Variants in AFAP1 observed in about 807,000 individuals in gnomAD.
The protein encoded by AFAP1 is actin filament-associated protein 1.
AFAP1 carries 75 observed loss-of-function variants against 93.9 expected under a neutral mutation model. The ratio of observed to expected loss-of-function variants is 0.80; its 90% CI spans 0.66 to 0.97. The LOEUF is 0.97. AFAP1 is among the 50% of genes least tolerant of loss of function. The pLI is 0.00. For missense variants in AFAP1, 1,201 were observed against 1,050.8 expected (o/e 1.14, Z -1.98); for synonymous variants, 517 against 430.7 (o/e 1.20, Z -2.48).
Position 7,762,230 on chromosome 4 carries a change from GA to G in AFAP1, c.*1534del, listed in dbSNP as rs1713912463. 6.6e-6 allele frequency: 1 copy of G among 152,230 alleles called. No homozygotes were observed. Among genetic ancestry groups the G allele is most frequent in the Admixed American group, 6.5e-5 (1 of 15,282 alleles). The allele number at this position is 152,230 out of a possible 1,614,324, so 9.4% of individuals were successfully genotyped here. A position where few individuals can be genotyped will look rare whatever the true frequency, so the allele number is the denominator to read the frequency against. On this transcript the variant is annotated 3_prime_UTR_variant, in exon 18 of 18. Coordinates refer to ENST00000420658, the MANE Select transcript of AFAP1 (RefSeq NM_001134647.2). The stretch of plus-strand genomic sequence containing the variant: ...CCGTGCACCACACAGCTAGCGCTCT[GA>G]AAGTATGTCTGGGGGAAACCCAAGG...
At chr4:7,926,192 C>T (rs1255518182) in intron 1 of AFAP1, among the ~76,000 whole-genome samples, 1 of 152,208 alleles carries the variant, frequency 6.6e-6, no homozygotes, top group East Asian at 1.9e-4. Flanking sequence ...GTACACATGG[C>T]TTCTAATGCT....
rs115582399 is a variant in AFAP1, at chr4:7,881,914, G to A, written c.-2-9834C>T. On this transcript the variant is annotated intron_variant, in intron 1 of 17. Transcript: ENST00000420658. ...CCCCAAATTATCTCATCCTTAAAGC[G>A]AGATGGATATTATATATCTCAGCAT... 7.2e-3 allele frequency among the ~76,000 whole-genome samples: 1,093 copies of A among 152,204 alleles called. 10 individuals carry two copies. The highest frequency in any genetic ancestry group is 0.024 in the African/African-American group (1,014 of 41,500).
At chr4:7,808,431 T>C (rs1047664429) in intron 9 of AFAP1, among the ~76,000 whole-genome samples, 1 of 152,172 alleles carries the variant, frequency 6.6e-6, no homozygotes, top group Non-Finnish European at 1.5e-5. Flanking sequence ...TAACTGGGCT[T>C]GTACTTATCT....
At chr4:7,897,090 G>A (rs571483055) in intron 1 of AFAP1, among the ~76,000 whole-genome samples, 5 of 152,168 alleles carry the variant, frequency 3.3e-5, no homozygotes, top group African/African-American at 1.2e-4. Context: ...CCAATCCCAT[G>A]ATGTTTATCT....
intron 1 of AFAP1, among the ~76,000 whole-genome samples, chr4:7,906,587 T>G (rs1719416646): frequency 6.6e-6 from 1 of 152,210 alleles, no homozygotes; most frequent in African/African-American, 2.4e-5. Context: ...CTCATTAAGT[T>G]CTCCAAGACA....
rs150190637 is a variant in AFAP1, at chr4:7,838,559, C to G, written c.691G>C (p.Val231Leu). 3.1e-6 allele frequency: 5 copies of G among 1,614,048 alleles called. No individual in the cohort carries two copies. The highest frequency in any genetic ancestry group is 4.2e-6 in the Non-Finnish European group (5 of 1,179,982). ...TGCTCGGCCTGTTCCTTGCTCTGGA[C>G]GGCGAGAACAAGCGGGTCCGTGCCC... ...QQGTDPLVLA[V>L]QSKEQAEQWL... The change falls in exon 6 of 18, where the codon GTC becomes CTC. Residue 231 changes from valine (V) to leucine (L), a missense_variant. Val to Leu is a conservative substitution (Grantham distance 32, BLOSUM62 1). Transcript: ENST00000420658.
At chr4:7,894,119 G>C (rs189828140) in intron 1 of AFAP1, among the ~76,000 whole-genome samples, 34 of 152,252 alleles carry the variant, frequency 2.2e-4, no homozygotes, top group African/African-American at 7.9e-4. Context: ...GAACAGTGGG[G>C]GTTAAATCTG....
rs966340556 is a variant in AFAP1, at chr4:7,843,630, G to A, written c.335-280C>T. ...TATGGACGGGACCCCACGCTGACCC[G>A]ACACTGACTCCTCACCACATTCTTG... On this transcript the variant is annotated intron_variant, in intron 4 of 17. Transcript: ENST00000420658. 8 of 347,292 alleles carry A rather than the reference G, an allele frequency of 2.3e-5. 1 individual carries two copies. Among genetic ancestry groups the A allele is most frequent in the Middle Eastern group, 9.0e-4 (1 of 1,110 alleles). 21.5% of individuals were successfully genotyped at this position (347,292 alleles called of 1,614,324 possible). A position where few individuals can be genotyped will look rare whatever the true frequency, so the allele number is the denominator to read the frequency against.
At chr4:7,781,318 T>C (rs949367479) in intron 13 of AFAP1, 58 bp downstream of exon 13, 3 of 1,532,362 alleles carry the variant, frequency 2.0e-6, no homozygotes, top group Non-Finnish European at 2.6e-6. Context: ...TGCAAAACTC[T>C]GTTGGAGCAA....
intron 3 of AFAP1, among the ~76,000 whole-genome samples, chr4:7,859,576 T>C (rs2149152692): frequency 6.6e-6 from 1 of 152,316 alleles, no homozygotes; most frequent in Middle Eastern, 3.4e-3. Context: ...AGTGACTAGG[T>C]AATTCTCAAA....
At chr4:7,833,016 C>G (rs750397196) in intron 6 of AFAP1, among the ~76,000 whole-genome samples, 1 of 152,128 alleles carries the variant, frequency 6.6e-6, no homozygotes, top group Non-Finnish European at 1.5e-5. Context: ...GATGGATGAA[C>G]GACTTAAACC....
rs530808185 is a variant in AFAP1 at position 7,798,832 on chromosome 4, C to T, written c.1266+1610G>A. ...AACAGCTCCTGACTTCCACCCACCC[C>T]CACCGCACCCCGAGCTTCTCTGTCT... On this transcript the variant is annotated intron_variant, in intron 10 of 17. Coordinates refer to ENST00000420658, the MANE Select transcript of AFAP1 (RefSeq NM_001134647.2). 8.2e-5 allele frequency: 79 copies of T among 965,898 alleles called. 1 individual carries two copies. In the South Asian group the frequency reaches 2.2e-3, roughly 27 times the overall value. 59.8% of individuals were successfully genotyped at this position (965,898 alleles called of 1,614,324 possible). A position where few individuals can be genotyped will look rare whatever the true frequency, so the allele number is the denominator to read the frequency against.
intron 1 of AFAP1, among the ~76,000 whole-genome samples, chr4:7,898,890 TAC>T (rs142195861): frequency 0.12 from 18,077 of 150,378 alleles, 1,357 homozygotes; most frequent in Non-Finnish European, 0.17. Flanking sequence ...TGTGTGTATA[TAC>T]AGAGAGGGAG....
chr4:7,897,600 A>T (rs537541580), intron 1 of AFAP1, among the ~76,000 whole-genome samples: 1 of 151,832 alleles, frequency 6.6e-6, no homozygotes, highest in African/African-American at 2.4e-5. Context: ...TCTTGGCTCA[A>T]TGCACCTCAG....
intron 1 of AFAP1, among the ~76,000 whole-genome samples, chr4:7,929,220 T>A (rs1720930728): frequency 6.6e-6 from 1 of 152,148 alleles, no homozygotes; most frequent in African/African-American, 2.4e-5. Flanking sequence ...ACTGAGTTCC[T>A]CAGGAGCAGG....
chr4:7,918,653 G>C (rs1349001829), intron 1 of AFAP1, among the ~76,000 whole-genome samples: 1 of 140,422 alleles, frequency 7.1e-6, no homozygotes, highest in African/African-American at 2.7e-5. Context: ...TGAGACACTC[G>C]GCCCAGGTCA....
At position 7,897,662 on chromosome 4, in the gene AFAP1, C is replaced by T. The variant is rs7673276; in HGVS notation, c.-2-25582G>A. Among the ~76,000 whole-genome samples, 885 of 152,088 alleles carry T rather than the reference C, an allele frequency of 5.8e-3. 6 individuals carry two copies. Among genetic ancestry groups the T allele is most frequent in the African/African-American group, 0.019 (780 of 41,514 alleles). Reference sequence around the variant, plus strand: ...CCTCAGCCTCCAGAGCAGCTGGGAACACCAGCGTGCACTGCCACATCTGAC... The same window carrying T: ...CCTCAGCCTCCAGAGCAGCTGGGAATACCAGCGTGCACTGCCACATCTGAC... On this transcript the variant is annotated intron_variant, in intron 1 of 17. Transcript: ENST00000420658.
At chr4:7,880,077 T>C (rs1320788533) in intron 1 of AFAP1, among the ~76,000 whole-genome samples, 1 of 152,194 alleles carries the variant, frequency 6.6e-6, no homozygotes, top group Non-Finnish European at 1.5e-5. Flanking sequence ...GCAAACACAC[T>C]TCCTGCTTAA....
intron 1 of AFAP1, among the ~76,000 whole-genome samples, chr4:7,934,594 G>C (rs769565641): frequency 6.6e-6 from 1 of 152,178 alleles, no homozygotes; most frequent in South Asian, 2.1e-4. Flanking sequence ...AGTTGGTGAC[G>C]AGAAAGAAAA....
Sources: allele counts gnomAD v4.1 joint callset (sites outside exome capture counted in the v4.1 genomes callset), GRCh38; gene constraint gnomAD v4.1.1; transcripts MANE v1.5; gene names NCBI Gene and HGNC (gene_info 2026-07-23, HGNC 2026-07-21).